The following FAM25G variants were observed in gnomAD, a reference collection of about 807,000 sequenced individuals.
The protein encoded by FAM25G is protein FAM25G.
Under a neutral mutation model 6.4 loss-of-function variants are expected in FAM25G, and 3 were observed. The ratio of observed to expected loss-of-function variants is 0.47; its 90% CI spans 0.21 to 1.21. FAM25G has a LOEUF of 1.21. Among genes scored for constraint, FAM25G ranks in the 50% most tolerant of loss-of-function variants. FAM25G has a pLI of 0.22. For missense variants in FAM25G, 34 were observed against 76.0 expected (o/e 0.45, Z 2.06); for synonymous variants, 15 against 31.3 (o/e 0.48, Z 1.74).
At chr10:47,489,941 G>A (rs2132453555) in intron 1 of FAM25G, among the ~76,000 whole-genome samples, 1 of 150,718 alleles carries the variant, frequency 6.6e-6, no homozygotes, top group African/African-American at 2.5e-5. Context: ...AGACGCCAGG[G>A]CCTTGGCTGC....
chr10:47,488,861 A>G (rs1165737288), intron 2 of FAM25G, among the ~76,000 whole-genome samples: 20 of 129,768 alleles, frequency 1.5e-4, no homozygotes, highest in South Asian at 7.8e-4. Flanking sequence ...CCGAGTAGCT[A>G]GGACTACAGG....
At chr10:47,487,760 G>A (rs1451401228) in intron 2 of FAM25G, among the ~76,000 whole-genome samples, 4 of 144,104 alleles carry the variant, frequency 2.8e-5, no homozygotes, top group African/African-American at 1.0e-4. Flanking sequence ...TTTTCTTTTG[G>A]CTTGGTTTAT....
chr10:47,490,459 C>G (rs1423871059), intron 1 of FAM25G: 67 of 152,406 alleles, frequency 4.4e-4, no homozygotes, highest in Non-Finnish European at 8.0e-4. Flanking sequence ...TGCGAAGGCC[C>G]CGAGTTCTGG....
At chr10:47,489,338 G>C (rs1219396466) in intron 2 of FAM25G, among the ~76,000 whole-genome samples, 8 of 149,384 alleles carry the variant, frequency 5.4e-5, no homozygotes, top group Admixed American at 3.4e-4. Context: ...TTTTGTCCCA[G>C]TGTGCTGTCA....
At chr10:47,488,995 G>T (rs1246375443) in intron 2 of FAM25G, among the ~76,000 whole-genome samples, 7 of 135,064 alleles carry the variant, frequency 5.2e-5, no homozygotes, top group African/African-American at 2.0e-4. Context: ...GATTACAGGC[G>T]TGAGCCACCG....
At chr10:47,488,919 C>G (rs1416157615) in intron 2 of FAM25G, among the ~76,000 whole-genome samples, 19,414 of 132,328 alleles carry the variant, frequency 0.15, 1,801 homozygotes, top group East Asian at 0.43. Flanking sequence ...AGTAGAGATG[C>G]GGTTTCACCG....
intron 2 of FAM25G, among the ~76,000 whole-genome samples, chr10:47,488,609 C>A (rs1485837059): frequency 6.8e-6 from 1 of 147,674 alleles, no homozygotes; most frequent in African/African-American, 2.5e-5. Flanking sequence ...TACCTGGAAT[C>A]TATTTTGTTG....
At chr10:47,490,583 G>A (rs1403780085) in intron 1 of FAM25G, among the ~76,000 whole-genome samples, 6 of 151,616 alleles carry the variant, frequency 4.0e-5, no homozygotes, top group Non-Finnish European at 2.9e-5. Context: ...TGAGAGAATG[G>A]CAGTGCTAGA....
chr10:47,490,458 C>A (rs1169724126), intron 1 of FAM25G: 1 of 152,158 alleles, frequency 6.6e-6, no homozygotes, highest in Admixed American at 6.5e-5. Context: ...CTGCGAAGGC[C>A]CCGAGTTCTG....
chr10:47,490,078 G>T (rs1840123128), intron 1 of FAM25G, among the ~76,000 whole-genome samples: 1 of 150,302 alleles, frequency 6.7e-6, no homozygotes. Flanking sequence ...CTGGGCCTGT[G>T]TGCCAGGTCA....
At chr10:47,490,268 G>T (rs1440459051) in intron 1 of FAM25G, 3,107 of 157,870 alleles carry the variant, frequency 0.02, no homozygotes, top group African/African-American at 0.073. Flanking sequence ...AGAAGAAATG[G>T]TTCTTATTCT....
At chr10:47,490,571 C>G (rs1369555010) in intron 1 of FAM25G, among the ~76,000 whole-genome samples, 27 of 151,834 alleles carry the variant, frequency 1.8e-4, no homozygotes, top group South Asian at 6.2e-4. Flanking sequence ...CATATGGCTA[C>G]TTGAGAGAAT....
At chr10:47,488,919 C>A (rs1416157615) in intron 2 of FAM25G, among the ~76,000 whole-genome samples, 3,274 of 137,690 alleles carry the variant, frequency 0.024, 142 homozygotes, top group African/African-American at 0.083. Context: ...AGTAGAGATG[C>A]GGTTTCACCG....
At chr10:47,488,985 G>C (rs1439159686) in intron 2 of FAM25G, among the ~76,000 whole-genome samples, 1 of 148,046 alleles carries the variant, frequency 6.8e-6, no homozygotes, top group African/African-American at 2.5e-5. Context: ...AAAGTGCTGG[G>C]ATTACAGGCG....
At chr10:47,488,555 T>G (rs1430446683) in intron 2 of FAM25G, among the ~76,000 whole-genome samples, 1 of 151,260 alleles carries the variant, frequency 6.6e-6, no homozygotes, top group Non-Finnish European at 1.5e-5. Flanking sequence ...GTTTATCTCC[T>G]AGTAAGTTAA....
At chr10:47,488,960 C>T (rs1348471331) in intron 2 of FAM25G, among the ~76,000 whole-genome samples, 204 of 148,582 alleles carry the variant, frequency 1.4e-3, no homozygotes, top group African/African-American at 4.7e-3. Flanking sequence ...CATGATCCGC[C>T]CACCTCAGCC....
Position 47,489,113 on chromosome 10 carries a change from G to T in FAM25G, c.136+473C>A, listed in dbSNP as rs1259446826. Among the ~76,000 whole-genome samples, 3 of 150,176 alleles carry T rather than the reference G, an allele frequency of 2.0e-5. No homozygotes were observed. In the South Asian group the frequency reaches 6.4e-4, roughly 32 times the overall value. Reference sequence around the variant, plus strand: ...GCTCACTGCAAGCTCTGCCTCCCAGGTACACACCATTCTCCTGCCTCAGCC... The same window carrying T: ...GCTCACTGCAAGCTCTGCCTCCCAGTTACACACCATTCTCCTGCCTCAGCC... On this transcript the variant is annotated intron_variant, in intron 2 of 2. Coordinates refer to ENST00000452267, the MANE Select transcript of FAM25G (RefSeq NM_001137549.2).
intron 2 of FAM25G, among the ~76,000 whole-genome samples, chr10:47,489,078 C>T (rs1464546320): frequency 6.7e-6 from 1 of 149,812 alleles, no homozygotes; most frequent in Non-Finnish European, 1.5e-5. Flanking sequence ...AGTGCAGTGG[C>T]ATGATCTAGG....
At chr10:47,489,935 G>A (rs1180088996) in intron 1 of FAM25G, among the ~76,000 whole-genome samples, 3 of 150,548 alleles carry the variant, frequency 2.0e-5, no homozygotes, top group African/African-American at 7.4e-5. Flanking sequence ...ATTTGGAGAC[G>A]CCAGGGCCTT....
Sources: gnomAD v4.1 joint callset for allele counts (sites outside exome capture counted in the v4.1 genomes callset) on GRCh38, gnomAD v4.1.1 for gene constraint, MANE v1.5 for transcripts, NCBI Gene and HGNC (gene_info 2026-07-23, HGNC 2026-07-21) for gene names.